Variants in ACBD6 observed in about 807,000 individuals in gnomAD.
ACBD6 encodes the protein acyl-CoA-binding domain-containing protein 6.
ACBD6 carries 28 observed loss-of-function variants against 37.2 expected under a neutral mutation model. The ratio of observed to expected loss-of-function variants is 0.75; its 90% confidence interval spans 0.56 to 1.03. The LOEUF (loss-of-function observed/expected upper bound fraction) is 1.03. ACBD6 is among the 50% of genes least tolerant of loss of function. The probability of loss-of-function intolerance (pLI) is 0.00; values close to 1 mark genes in which losing one functional copy is unlikely to be tolerated. For synonymous variants in ACBD6, 113 were observed against 126.8 expected (o/e 0.89, Z 0.73); for missense variants, 340 against 337.4 (o/e 1.01, Z -0.06).
chr1:180,326,101 T>A (rs1210604342), intron 6 of ACBD6, among the ~76,000 whole-genome samples: 1 of 152,226 alleles, frequency 6.6e-6, no homozygotes. Context: ...TTTTGTCCTT[T>A]CCTTCAGGGA....
At chr1:180,336,166 T>C (rs1327510981) in intron 6 of ACBD6, among the ~76,000 whole-genome samples, 3 of 149,606 alleles carry the variant, frequency 2.0e-5, no homozygotes, top group South Asian at 2.1e-4. Context: ...GAGGACCTAA[T>C]AGACATCTAC....
chr1:180,501,999 G>A (rs1385448536), intron 1 of ACBD6, 46 bp downstream of exon 1: 32 of 1,583,548 alleles, frequency 2.0e-5, no homozygotes, highest in Non-Finnish European at 2.6e-5. Flanking sequence ...TGAGGAAGAA[G>A]GCTCCGTGTC....
chr1:180,282,630 T>C (rs1360273417), intron 8 of ACBD6, among the ~76,000 whole-genome samples: 1 of 152,194 alleles, frequency 6.6e-6, no homozygotes, highest in Non-Finnish European at 1.5e-5. Context: ...TGCCTGCAGA[T>C]AGTGGCTTAG....
At chr1:180,387,252 G>A (rs1461500366) in intron 6 of ACBD6, among the ~76,000 whole-genome samples, 1 of 152,146 alleles carries the variant, frequency 6.6e-6, no homozygotes, top group Non-Finnish European at 1.5e-5. Flanking sequence ...GTCACTCTGG[G>A]TTCTTTCCAG....
At chr1:180,389,999 T>C (rs1193917689) in intron 6 of ACBD6, among the ~76,000 whole-genome samples, 1 of 151,780 alleles carries the variant, frequency 6.6e-6, no homozygotes, top group African/African-American at 2.4e-5. Flanking sequence ...AGAAGCTCTT[T>C]AGTTTAATTA....
At chr1:180,364,605 T>A (rs1214495154) in intron 6 of ACBD6, among the ~76,000 whole-genome samples, 1 of 152,192 alleles carries the variant, frequency 6.6e-6, no homozygotes, top group African/African-American at 2.4e-5. Context: ...TGAAACAGAA[T>A]AGGCTATTTT....
At chr1:180,486,811 G>A (rs1651284247) in intron 3 of ACBD6, among the ~76,000 whole-genome samples, 1 of 152,156 alleles carries the variant, frequency 6.6e-6, no homozygotes, top group South Asian at 2.1e-4. Context: ...CCTTACCCAA[G>A]TGATCAAAGT....
chr1:180,272,815 T>C (rs932506735), intron 12 of ACBD6: 8 of 152,220 alleles, frequency 5.3e-5, no homozygotes, highest in African/African-American at 1.9e-4. Context: ...ACCATATCTT[T>C]GCCCATCTCA....
intron 5 of ACBD6, among the ~76,000 whole-genome samples, chr1:180,400,638 C>CT (rs1256697675): frequency 6.6e-6 from 1 of 152,152 alleles, no homozygotes; most frequent in Non-Finnish European, 1.5e-5. Context: ...AATGAGGTGT[C>CT]TGTGATACCT....
intron 7 of ACBD6, among the ~76,000 whole-genome samples, chr1:180,291,460 A>T (rs1218063683): frequency 6.6e-6 from 1 of 152,100 alleles, no homozygotes; most frequent in Non-Finnish European, 1.5e-5. Context: ...TACTTCCCTA[A>T]TGTCTAACAA....
chr1:180,308,228 T>C (rs1570812), intron 7 of ACBD6, among the ~76,000 whole-genome samples: 149,098 of 152,242 alleles, frequency 0.98, 73,032 homozygotes, highest in East Asian at 1. Flanking sequence ...TTTTTGATTC[T>C]TTGATTTTAT....
At chr1:180,417,537 T>C (rs1401841120) in intron 4 of ACBD6, among the ~76,000 whole-genome samples, 1 of 152,204 alleles carries the variant, frequency 6.6e-6, no homozygotes, top group African/African-American at 2.4e-5. Flanking sequence ...ACTATTAATC[T>C]GTTTTTCTGG....
chr1:180,389,378 C>T lies in ACBD6; in HGVS notation c.663+8138G>A, dbSNP rs959185280. Among the ~76,000 whole-genome samples, 102 of 152,196 alleles carry T rather than the reference C, an allele frequency of 6.7e-4. 1 individual carries two copies. The highest frequency in any genetic ancestry group is 3.9e-4 in the Admixed American group (6 of 15,278). On this transcript the variant is annotated intron_variant, in intron 6 of 7. Coordinates refer to ENST00000367595, the MANE Select transcript of ACBD6 (RefSeq NM_032360.4). ...AGTATTCCAGGGTGTATATGTGCCA[C>T]ATTTTCTTAATCCAGTCTATCATTG...
chr1:180,403,233 C>T (rs778092862), intron 5 of ACBD6, among the ~76,000 whole-genome samples: 2 of 151,906 alleles, frequency 1.3e-5, no homozygotes, highest in East Asian at 1.9e-4. Flanking sequence ...CTTTCTGGGG[C>T]GACAGCAATG....
chr1:180,295,833 T>C (rs1649895737), intron 7 of ACBD6, among the ~76,000 whole-genome samples: 2 of 152,182 alleles, frequency 1.3e-5, no homozygotes, highest in Admixed American at 6.5e-5. Flanking sequence ...TGGGTCTCCC[T>C]ATTCCCTGAG....
intron 6 of ACBD6, among the ~76,000 whole-genome samples, chr1:180,357,485 T>C (rs1423187547): frequency 6.6e-6 from 1 of 152,206 alleles, no homozygotes; most frequent in Non-Finnish European, 1.5e-5. Flanking sequence ...CTAGCCAAGA[T>C]CCCTCTGCAT....
Position 180,502,181 on chromosome 1 carries a change from T to C in ACBD6, c.86A>G (p.Glu29Gly). 6.2e-7 allele frequency: 1 copy of C among 1,614,090 alleles called. No individual in the cohort carries two copies. The highest frequency in any genetic ancestry group is 1.1e-5 in the South Asian group (1 of 91,082). The change falls in exon 1 of 8, where the codon GAG becomes GGG. Residue 29 changes from glutamate to glycine, a missense_variant. Glu to Gly is a moderately conservative substitution (Grantham distance 98, BLOSUM62 -2). Coordinates refer to ENST00000367595, the MANE Select transcript of ACBD6 (RefSeq NM_032360.4). ...CTCGATCTCAGGGCTATGGGGGAAC[T>C]CCACCTCCCCGGAGTCGTCCCCTGA... ...LSSGDDSGEV[E>G]FPHSPEIEET...
chr1:180,400,221 C>T (rs907589049), intron 5 of ACBD6, among the ~76,000 whole-genome samples: 13 of 152,110 alleles, frequency 8.5e-5, no homozygotes, highest in African/African-American at 3.1e-4. Context: ...TTAGGGGAAA[C>T]ACCTATGACT....
At chr1:180,494,327 GT>G (rs1272836041) in intron 2 of ACBD6, among the ~76,000 whole-genome samples, 1 of 152,002 alleles carries the variant, frequency 6.6e-6, no homozygotes, top group Non-Finnish European at 1.5e-5. Context: ...AAAAATAAAG[GT>G]ATAAAATTTC....
Sources: gnomAD v4.1 joint callset for allele counts (sites outside exome capture counted in the v4.1 genomes callset) on GRCh38, gnomAD v4.1.1 for gene constraint, MANE v1.5 for transcripts, NCBI Gene and HGNC (gene_info 2026-07-23, HGNC 2026-07-21) for gene names.